The following LMBRD1 variants were observed in gnomAD, a reference collection of about 807,000 sequenced individuals.
LMBRD1 encodes the protein lysosomal cobalamin transport escort protein LMBD1.
In LMBRD1, 64 loss-of-function variants were observed where a neutral mutation model predicts 74.8. The ratio of observed to expected loss-of-function variants is 0.86; its 90% CI spans 0.70 to 1.05. LMBRD1 has a LOEUF of 1.05. LMBRD1 is among the 50% of genes least tolerant of loss of function. The pLI, the probability that LMBRD1 is intolerant of heterozygous loss-of-function variation, is 0.00. For missense variants in LMBRD1, 652 were observed against 645.9 expected (o/e 1.01, Z -0.10); for synonymous variants, 204 against 216.3 (o/e 0.94, Z 0.50).
At chr6:69,737,818 T>G in intron 7 of LMBRD1, 124 bp downstream of exon 7, 1 of 743,118 alleles carries the variant, frequency 1.3e-6, no homozygotes, top group Non-Finnish European at 2.3e-6. Flanking sequence ...TAAAGAAAAC[T>G]GAAGAAAAAT....
chr6:69,777,137 G>A (rs1765722030), intron 3 of LMBRD1, among the ~76,000 whole-genome samples: 1 of 151,624 alleles, frequency 6.6e-6, no homozygotes, highest in Admixed American at 6.6e-5. Flanking sequence ...AACAAAGGGA[G>A]GCTCCATCTC....
In LMBRD1 at chr6:69,749,331, C is replaced by T. The variant is rs762181370; in HGVS notation, c.473+10G>A. The T allele has an allele frequency of 6.4e-7, 1 of 1,560,640 alleles. No individual in the cohort carries two copies. The highest frequency in any genetic ancestry group is 8.7e-7 in the Non-Finnish European group (1 of 1,148,516). On this transcript the variant is annotated intron_variant, in intron 5 of 15. Coordinates refer to ENST00000649934, the MANE Select transcript of LMBRD1 (RefSeq NM_018368.4). ...ATTTCATGGTTTAAAAAAAAAAAAT[C>T]AAGACTTACCCAACTAAAAGAAGCA...
intron 5 of LMBRD1, among the ~76,000 whole-genome samples, 156 bp downstream of exon 5, chr6:69,749,185 A>T (rs1214644289): frequency 1.3e-5 from 2 of 151,946 alleles, no homozygotes; most frequent in Non-Finnish European, 2.9e-5. Context: ...AAAACTGTTA[A>T]ATTGTGGCTA....
rs1765498238 is a variant in LMBRD1 at position 69,674,093 on chromosome 6, C to G, written c.*2065G>C. ...AAAGGGTTGACAACACTGGATTCTC[C>G]TGAGGCCTCTCCTGTTGGCTTGCAG... On this transcript the variant is annotated 3_prime_UTR_variant, in exon 16 of 16. Coordinates refer to ENST00000649934, the MANE Select transcript of LMBRD1 (RefSeq NM_018368.4). 6.6e-6 allele frequency among the ~76,000 whole-genome samples: 1 copy of G among 152,176 alleles called. No homozygotes were observed. Among genetic ancestry groups the G allele is most frequent in the Non-Finnish European group, 1.5e-5 (1 of 68,032 alleles).
intron 3 of LMBRD1, among the ~76,000 whole-genome samples, chr6:69,769,135 T>C (rs1322305736): frequency 1.3e-5 from 2 of 152,132 alleles, no homozygotes; most frequent in Non-Finnish European, 2.9e-5. Context: ...GAGATTCCCA[T>C]CACACATACA....
chr6:69,771,723 A>T (rs1765580961), intron 3 of LMBRD1, among the ~76,000 whole-genome samples: 1 of 152,194 alleles, frequency 6.6e-6, no homozygotes, highest in Admixed American at 6.5e-5. Context: ...ATGGGAAGCT[A>T]CTTCAGGGTT....
At chr6:69,774,939 A>G (rs1172081621) in intron 3 of LMBRD1, among the ~76,000 whole-genome samples, 1 of 133,278 alleles carries the variant, frequency 7.5e-6, no homozygotes, top group East Asian at 2.5e-4. Flanking sequence ...TGCCCAAAAT[A>G]CAGTGAGATG....
chr6:69,692,607 C>A (rs1765914662), intron 14 of LMBRD1, among the ~76,000 whole-genome samples: 1 of 152,030 alleles, frequency 6.6e-6, no homozygotes, highest in African/African-American at 2.4e-5. Flanking sequence ...GTCCTTATGC[C>A]TGGTTAATAC....
chr6:69,676,174 G>C lies in LMBRD1; in HGVS notation c.1607C>G (p.Ser536Cys), dbSNP rs1369030632. The change falls in exon 16 of 16, where the codon TCT (serine) becomes TGT (cysteine). Residue 536 changes from serine (S) to cysteine (C), a missense_variant. By Grantham distance (112) the Ser-to-Cys change is moderately radical (BLOSUM62 -1). Around this residue, in one of 3 missense-constraint regions of LMBRD1, gnomAD observed 51 missense variants for 46.9 expected, o/e 1.09. Transcript: ENST00000649934. The stretch of plus-strand genomic sequence containing the variant: ...AGAAGGCTGTCAAGCAGAATAGACA[G>C]AGGGCTCATCATCACTTATGTCTGA... ...EDSDISDDEP[S>C]VYSA 1 of 1,612,844 alleles carries C rather than the reference G, an allele frequency of 6.2e-7. No homozygotes were observed. Among genetic ancestry groups the C allele is most frequent in the Non-Finnish European group, 8.5e-7 (1 of 1,179,130 alleles).
chr6:69,751,969 G>GA (rs112953505), intron 4 of LMBRD1, among the ~76,000 whole-genome samples: 56,048 of 151,988 alleles, frequency 0.37, 10,797 homozygotes, highest in East Asian at 0.54. Flanking sequence ...TGGCTAGCTT[G>GA]ATTGTTGTGT....
intron 9 of LMBRD1, among the ~76,000 whole-genome samples, chr6:69,702,716 G>C (rs1300734514): frequency 6.6e-6 from 1 of 152,026 alleles, no homozygotes; most frequent in Non-Finnish European, 1.5e-5. Context: ...AAGTTGCGGG[G>C]ACAACTGGGC....
Position 69,713,740 on chromosome 6 carries a change from C to T in LMBRD1, c.820G>A (p.Glu274Lys), listed in dbSNP as rs762497887. Residue 274 changes from glutamate to lysine, a missense_variant, in exon 9 of 16, where the codon GAA (glutamate) becomes AAA (lysine). Coordinates refer to ENST00000649934, the MANE Select transcript of LMBRD1 (RefSeq NM_018368.4). ...CTCTTCTTAAGTGTTCGTAACCTTTCTTCAAATTGTTTTAAGGCGCGTTTA... is the reference window on the plus strand; with the variant it reads ...CTCTTCTTAAGTGTTCGTAACCTTTTTTCAAATTGTTTTAAGGCGCGTTTA... Reference protein sequence around the residue: ...RDKRALKQFEERLRTLKKRER... With the variant: ...RDKRALKQFEKRLRTLKKRER... 6.2e-7 allele frequency: 1 copy of T among 1,613,730 alleles called. No homozygotes were observed. The highest frequency in any genetic ancestry group is 1.7e-5 in the Admixed American group (1 of 59,928).
chr6:69,679,050 A>AG (rs1765607337), intron 14 of LMBRD1, among the ~76,000 whole-genome samples: 1 of 138,918 alleles, frequency 7.2e-6, no homozygotes, highest in Non-Finnish European at 1.6e-5. Context: ...AAACAAAAAA[A>AG]AAAAAACAAA....
intron 9 of LMBRD1, among the ~76,000 whole-genome samples, chr6:69,703,926 T>A (rs956837549): frequency 1.3e-5 from 2 of 152,150 alleles, no homozygotes; most frequent in African/African-American, 4.8e-5. Flanking sequence ...CCTTGACATT[T>A]TGTAGAGTCC....
intron 3 of LMBRD1, among the ~76,000 whole-genome samples, chr6:69,761,625 T>C (rs1765375231): frequency 6.6e-6 from 1 of 152,214 alleles, no homozygotes; most frequent in African/African-American, 2.4e-5. Context: ...ATTCGATACT[T>C]TTCCCAACAA....
chr6:69,729,607 C>T (rs932680700), intron 7 of LMBRD1, among the ~76,000 whole-genome samples: 1 of 151,890 alleles, frequency 6.6e-6, no homozygotes, highest in African/African-American at 2.4e-5. Flanking sequence ...AAGTTATTTC[C>T]TTAAATGGAA....
At chr6:69,780,367 A>T in intron 3 of LMBRD1, 127 bp downstream of exon 3, 1 of 726,396 alleles carries the variant, frequency 1.4e-6, no homozygotes, top group Non-Finnish European at 2.5e-6. Flanking sequence ...AAACTACTCC[A>T]TGTGTGTCCA....
intron 14 of LMBRD1, among the ~76,000 whole-genome samples, chr6:69,693,083 C>T (rs1248538168): frequency 6.6e-6 from 1 of 151,996 alleles, no homozygotes; most frequent in Non-Finnish European, 1.5e-5. Flanking sequence ...GTAAAGGTCC[C>T]CTTGGAATAA....
intron 8 of LMBRD1, 116 bp downstream of exon 8, chr6:69,718,839 CA>C: frequency 1.9e-6 from 2 of 1,074,094 alleles, no homozygotes; most frequent in South Asian, 1.3e-5. Flanking sequence ...AGATATGCTG[CA>C]AAAAATTCAA....
Sources: allele counts gnomAD v4.1 joint callset (sites outside exome capture counted in the v4.1 genomes callset), GRCh38; gene constraint gnomAD v4.1.1; regional missense constraint gnomAD v4.1.1; transcripts MANE v1.5; gene names NCBI Gene and HGNC (gene_info 2026-07-23, HGNC 2026-07-21).